The following ZNF714 variants were observed in gnomAD, a reference collection of about 807,000 sequenced individuals.
ZNF714 encodes zinc finger protein 714.
Under a neutral mutation model 46.2 loss-of-function variants are expected in ZNF714, and 32 were observed. That is an observed-to-expected ratio of 0.69 (90% CI 0.52 to 0.93). ZNF714 has a LOEUF of 0.93. Among genes scored for constraint, ZNF714 ranks in the 40% least tolerant of loss-of-function variants. ZNF714 has a pLI of 0.00. For synonymous variants in ZNF714, 199 were observed against 213.1 expected, an observed-to-expected ratio of 0.93 and a Z score of 0.58; for missense variants, 635 against 646.3, an observed-to-expected ratio of 0.98 and a Z score of 0.19.
chr19:21,089,774 A>C (rs117878541), intron 2 of ZNF714, among the ~76,000 whole-genome samples: 7,873 of 150,206 alleles, frequency 0.052, 299 homozygotes, highest in Non-Finnish European at 0.084. Context: ...TTACAGCTTA[A>C]GACTAACCTC....
Position 21,117,556 on chromosome 19 carries a change from T to C in ZNF714, c.892T>C (p.Ser298Pro), listed in dbSNP as rs1969628336. Residue 298 changes from serine (S) to proline (P), a missense_variant, in exon 5 of 5, where the codon TCA becomes CCA. Ser to Pro is a moderately conservative substitution (Grantham distance 74). Transcript: ENST00000456283. ...ATGTGACAAAGCTTTTAACCGATTC[T>C]CATACCTTACTAAACATAAGATAAT... The part of the protein sequence containing the change: ...EECDKAFNRF[S>P]YLTKHKIIHS... The C allele has an allele frequency of 1.9e-6, 3 of 1,606,268 alleles. No individual in the cohort carries two copies. Among genetic ancestry groups the C allele is most frequent in the African/African-American group, 1.3e-5 (1 of 74,724 alleles).
At chr19:21,084,100 AC>A in intron 2 of ZNF714, 31 bp downstream of exon 2, 1 of 885,360 alleles carries the variant, frequency 1.1e-6, no homozygotes, top group Non-Finnish European at 1.4e-6. Context: ...AGGGGAAAAC[AC>A]AGAAATAACA....
intron 4 of ZNF714, among the ~76,000 whole-genome samples, chr19:21,103,621 A>G (rs1224793732): frequency 2.0e-5 from 3 of 152,058 alleles, no homozygotes; most frequent in African/African-American, 7.2e-5. Context: ...TTAAGTGCAC[A>G]TTTCAGGGCC....
rs1304380185 is a variant in ZNF714, at chr19:21,120,358, T to TAAA, written c.*2027_*2028insAAA. ...CTCCTGGCAAGAGATTCTTTTTTAT[T>TAAA]AGGTGGGCATTATTTGTGATCTTTT... On this transcript the variant is annotated 3_prime_UTR_variant, in exon 5 of 5. Coordinates refer to ENST00000456283, the MANE Select transcript of ZNF714 (RefSeq NM_182515.4). The TAAA allele has an allele frequency of 6.6e-6, 1 of 152,098 alleles. No homozygotes were observed. The highest frequency in any genetic ancestry group is 1.5e-5 in the Non-Finnish European group (1 of 67,994). The allele number at this position is 152,098 out of a possible 1,614,324, so 9.4% of individuals were successfully genotyped here.
intron 4 of ZNF714, among the ~76,000 whole-genome samples, chr19:21,114,239 C>T (rs543961811): frequency 6.6e-6 from 1 of 152,008 alleles, no homozygotes; most frequent in East Asian, 1.9e-4. Flanking sequence ...GAGATCGAGA[C>T]CATCCTAGCT....
intron 2 of ZNF714, among the ~76,000 whole-genome samples, chr19:21,095,054 T>G (rs921422325): frequency 6.6e-6 from 1 of 152,196 alleles, no homozygotes; most frequent in Non-Finnish European, 1.5e-5. Context: ...GTATTAAACC[T>G]TTGTCAGGAA....
At position 21,117,271 on chromosome 19, in the gene ZNF714, T is replaced by C; in HGVS notation, c.607T>C (p.Cys203Arg). 1 of 1,613,984 alleles carries C rather than the reference T, an allele frequency of 6.2e-7. No individual in the cohort carries two copies. The highest frequency in any genetic ancestry group is 1.3e-5 in the African/African-American group (1 of 75,060). ...TCATACTGGAGAGAAACCCTTCAAATGTGAAGAATGTGGCAAAGCTTTTAA... is the reference window on the plus strand; with the variant it reads ...TCATACTGGAGAGAAACCCTTCAAACGTGAAGAATGTGGCAAAGCTTTTAA... Reference protein sequence around the residue: ...RVHTGEKPFKCEECGKAFKHS... With the variant: ...RVHTGEKPFKREECGKAFKHS... Residue 203 changes from cysteine (C) to arginine (R), a missense_variant, in exon 5 of 5, where the codon TGT becomes CGT. Physicochemically the swap from Cys to Arg is radical, Grantham distance 180. Coordinates refer to ENST00000456283, the MANE Select transcript of ZNF714 (RefSeq NM_182515.4).
rs1353943878 is a variant in ZNF714 at position 21,107,539 on chromosome 19, ATAGACAAGATTTCTAT to A, written c.142+8630_142+8645del. The stretch of plus-strand genomic sequence containing the variant: ...CAGGTGTAAGCCACCACACCCAGCC[ATAGACAAGATTTCTAT>A]AATGAAACTGTACTTTTGGGATTTT... On this transcript the variant is annotated intron_variant, in intron 4 of 4. Transcript: ENST00000456283. 1.5e-4 allele frequency among the ~76,000 whole-genome samples: 23 copies of A among 150,930 alleles called. 1 individual carries two copies. The highest frequency in any genetic ancestry group is 5.5e-4 in the African/African-American group (22 of 40,224).
chr19:21,117,037 G>C lies in ZNF714; in HGVS notation c.373G>C (p.Val125Leu). 1 of 1,613,070 alleles carries C rather than the reference G, an allele frequency of 6.2e-7. No homozygotes were observed. Among genetic ancestry groups the C allele is most frequent in the African/African-American group, 1.3e-5 (1 of 74,978 alleles). ...KIFPCDKYIK[V>L]FHKIFNSNRH... ...ATTTCCATGTGATAAATATATAAAA[G>C]TCTTTCATAAAATTTTCAATTCAAA... is the stretch of plus-strand genomic sequence containing the variant. Residue 125 changes from valine to leucine, a missense_variant, in exon 5 of 5, where the codon GTC becomes CTC. Physicochemically the swap from Val to Leu is conservative, Grantham distance 32. Coordinates refer to ENST00000456283, the MANE Select transcript of ZNF714 (RefSeq NM_182515.4).
At position 21,120,857 on chromosome 19, in the gene ZNF714, T is replaced by C. The variant is rs1969691735; in HGVS notation, c.*2525T>C. The C allele has an allele frequency of 6.6e-6, 1 of 152,208 alleles. No individual in the cohort carries two copies. The highest frequency in any genetic ancestry group is 1.5e-5 in the Non-Finnish European group (1 of 68,046). The allele number at this position is 152,208 out of a possible 1,614,324, so 9.4% of individuals were successfully genotyped here. On this transcript the variant is annotated 3_prime_UTR_variant, in exon 5 of 5. Coordinates refer to ENST00000456283, the MANE Select transcript of ZNF714 (RefSeq NM_182515.4). ...TTTATTTTGTTTTTAATCATTTAAA[T>C]TTAATTTTGGTGGGTACATAATATG...
intron 2 of ZNF714, among the ~76,000 whole-genome samples, chr19:21,086,792 T>G (rs1487204160): frequency 6.6e-6 from 1 of 152,090 alleles, no homozygotes; most frequent in African/African-American, 2.4e-5. Context: ...GCCTCTGACA[T>G]CTCCCCCTTC....
At chr19:21,116,365 A>G (rs1969596816) in intron 4 of ZNF714, among the ~76,000 whole-genome samples, 1 of 152,090 alleles carries the variant, frequency 6.6e-6, no homozygotes, top group Non-Finnish European at 1.5e-5. Flanking sequence ...TTTTTTCAGC[A>G]CTTTATGTTA....
At chr19:21,102,755 A>G (rs758565097) in intron 4 of ZNF714, among the ~76,000 whole-genome samples, 5 of 152,136 alleles carry the variant, frequency 3.3e-5, no homozygotes, top group Non-Finnish European at 5.9e-5. Flanking sequence ...TCTTTTTTAA[A>G]GGTATATTAA....
chr19:21,117,678 G>T lies in ZNF714; in HGVS notation c.1014G>T (p.Glu338Asp). The T allele has an allele frequency of 6.2e-7, 1 of 1,613,306 alleles. No individual in the cohort carries two copies. The change falls in exon 5 of 5, where the codon GAG becomes GAT. Residue 338 changes from glutamate to aspartate, a missense_variant. By Grantham distance (45) the Glu-to-Asp change is conservative. Coordinates refer to ENST00000456283, the MANE Select transcript of ZNF714 (RefSeq NM_182515.4). ...AACATAAAAGAATTCATACTGGAGA[G>T]AAACCCTACAAATGTGAAGAATGTG... is the stretch of plus-strand genomic sequence containing the variant. ...LTKHKRIHTG[E>D]KPYKCEECGK...
rs917116963 is a variant in ZNF714, at chr19:21,119,429, G to T, written c.*1097G>T. ...AAAAAAAGAAAATATGAACTTTACA[G>T]TGAAGAATATTTATTTTGAAGATGA... is the stretch of plus-strand genomic sequence containing the variant. On this transcript the variant is annotated 3_prime_UTR_variant, in exon 5 of 5. Coordinates refer to ENST00000456283, the MANE Select transcript of ZNF714 (RefSeq NM_182515.4). 1 of 166,220 alleles carries T rather than the reference G, an allele frequency of 6.0e-6. No homozygotes were observed. The highest frequency in any genetic ancestry group is 1.3e-5 in the Non-Finnish European group (1 of 75,782). The allele number at this position is 166,220 out of a possible 1,614,324, so 10.3% of individuals were successfully genotyped here.
At chr19:21,109,710 A>T (rs35137761) in intron 4 of ZNF714, 118,309 of 154,686 alleles carry the variant, frequency 0.76, 49,947 homozygotes, top group Non-Finnish European at 0.92. Flanking sequence ...CACCTCGGTG[A>T]TAAGCCCTGC....
intron 2 of ZNF714, 64 bp from the exon 3 acceptor site, chr19:21,098,121 A>G: frequency 4.6e-6 from 7 of 1,534,852 alleles, no homozygotes; most frequent in Non-Finnish European, 6.1e-6. Flanking sequence ...CTTAATTCAA[A>G]TAATAAATTC....
intron 2 of ZNF714, among the ~76,000 whole-genome samples, chr19:21,092,501 C>G (rs1237662149): frequency 6.6e-6 from 1 of 152,232 alleles, no homozygotes; most frequent in East Asian, 1.9e-4. Context: ...AAATCAGAGT[C>G]CAGCCCCACC....
At chr19:21,105,879 C>T (rs569742168) in intron 4 of ZNF714, among the ~76,000 whole-genome samples, 1 of 151,524 alleles carries the variant, frequency 6.6e-6, no homozygotes, top group Non-Finnish European at 1.5e-5. Context: ...TGTTTGAACC[C>T]GGAAGGTGTA....
Sources: gnomAD v4.1 joint callset for allele counts (sites outside exome capture counted in the v4.1 genomes callset) on GRCh38, gnomAD v4.1.1 for gene constraint, MANE v1.5 for transcripts, NCBI Gene and HGNC (gene_info 2026-07-23, HGNC 2026-07-21) for gene names.